Variants in CALCRL observed in about 807,000 individuals in gnomAD.
CALCRL encodes calcitonin receptor like receptor.
In CALCRL, 27 loss-of-function variants were observed where a neutral mutation model predicts 60.4. The ratio of observed to expected loss-of-function variants is 0.45; its 90% CI spans 0.33 to 0.62. CALCRL has a LOEUF of 0.62. Ranked by LOEUF, CALCRL falls within the 20% of genes least tolerant of loss-of-function variation. The pLI is 0.03. For synonymous variants in CALCRL, 190 were observed against 182.6 expected (o/e 1.04, Z -0.33); for missense variants, 424 against 540.7 (o/e 0.78, Z 2.14).
At chr2:187,409,458 G>A (rs927561100) in intron 1 of CALCRL, among the ~76,000 whole-genome samples, 3 of 152,192 alleles carry the variant, frequency 2.0e-5, no homozygotes, top group Non-Finnish European at 4.4e-5. Context: ...TGCCATGACT[G>A]CATACACCAT....
At chr2:187,406,437 G>A (rs977800260) in intron 1 of CALCRL, among the ~76,000 whole-genome samples, 9 of 151,812 alleles carry the variant, frequency 5.9e-5, no homozygotes, top group Admixed American at 2.0e-4. Flanking sequence ...TACTAAAATC[G>A]TCATCATAAA....
intron 1 of CALCRL, among the ~76,000 whole-genome samples, chr2:187,436,148 T>C (rs1690635746): frequency 6.6e-6 from 1 of 152,162 alleles, no homozygotes; most frequent in Admixed American, 6.5e-5. Flanking sequence ...TAAACATGCG[T>C]CCTACTTACT....
intron 1 of CALCRL, among the ~76,000 whole-genome samples, chr2:187,389,432 A>G (rs1400717420): frequency 6.6e-6 from 1 of 152,110 alleles, no homozygotes; most frequent in Non-Finnish European, 1.5e-5. Context: ...ATAGATAGTA[A>G]CAAGTTAATG....
At chr2:187,402,440 TGA>T (rs144627472) in intron 1 of CALCRL, among the ~76,000 whole-genome samples, 64 of 148,340 alleles carry the variant, frequency 4.3e-4, no homozygotes, top group Admixed American at 5.4e-4. Context: ...TGTGTGTATG[TGA>T]GAGAGAGAGA....
At chr2:187,417,525 T>A (rs1369277901) in intron 1 of CALCRL, among the ~76,000 whole-genome samples, 1 of 152,140 alleles carries the variant, frequency 6.6e-6, no homozygotes, top group Non-Finnish European at 1.5e-5. Context: ...TTTTCCAATT[T>A]AAGCATAACT....
intron 1 of CALCRL, among the ~76,000 whole-genome samples, chr2:187,394,358 G>T (rs1688576653): frequency 6.6e-6 from 1 of 152,050 alleles, no homozygotes; most frequent in Admixed American, 6.6e-5. Flanking sequence ...TGTAACACTT[G>T]AAACAAAGAA....
intron 8 of CALCRL, among the ~76,000 whole-genome samples, chr2:187,368,912 G>A (rs73979873): frequency 0.02 from 3,060 of 152,190 alleles, 96 homozygotes; most frequent in African/African-American, 0.066. Flanking sequence ...ACTATCTTTT[G>A]TCTATTCAAT....
At chr2:187,439,353 C>CTGAG (rs1690788811) in intron 1 of CALCRL, among the ~76,000 whole-genome samples, 1 of 151,926 alleles carries the variant, frequency 6.6e-6, no homozygotes, top group African/African-American at 2.4e-5. Context: ...TGTGGTCACG[C>CTGAG]TGAGGTAGGA....
intron 1 of CALCRL, among the ~76,000 whole-genome samples, chr2:187,443,268 G>T (rs574805963): frequency 6.6e-6 from 1 of 151,718 alleles, no homozygotes; most frequent in Non-Finnish European, 1.5e-5. Context: ...ATAAAATTTT[G>T]CATAGAAACA....
At chr2:187,421,845 C>A (rs1180349754) in intron 1 of CALCRL, among the ~76,000 whole-genome samples, 1 of 152,192 alleles carries the variant, frequency 6.6e-6, no homozygotes, top group Non-Finnish European at 1.5e-5. Context: ...ACATTCTCAT[C>A]GTCGCAAGTT....
At chr2:187,408,148 T>A (rs1689211877) in intron 1 of CALCRL, among the ~76,000 whole-genome samples, 3 of 152,066 alleles carry the variant, frequency 2.0e-5, no homozygotes, top group East Asian at 3.8e-4. Context: ...TATATATTAA[T>A]ATAAATACAT....
intron 1 of CALCRL, among the ~76,000 whole-genome samples, chr2:187,436,946 G>T (rs1020888103): frequency 2.0e-5 from 3 of 151,812 alleles, no homozygotes; most frequent in African/African-American, 7.3e-5. Flanking sequence ...CTTTTAACTT[G>T]GTGAGCAATA....
chr2:187,434,940 A>T (rs1574324098), intron 1 of CALCRL, among the ~76,000 whole-genome samples: 1 of 152,334 alleles, frequency 6.6e-6, no homozygotes, highest in East Asian at 1.9e-4. Flanking sequence ...CATATGTGGT[A>T]AAGTCATAAA....
chr2:187,435,865 C>CGTGTGT (rs5837037), intron 1 of CALCRL, among the ~76,000 whole-genome samples: 30,358 of 148,208 alleles, frequency 0.2, 3,059 homozygotes, highest in Non-Finnish European at 0.22. Context: ...TGTGTTTGTG[C>CGTGTGT]GTGCGTGTGT....
intron 1 of CALCRL, among the ~76,000 whole-genome samples, chr2:187,415,135 A>G (rs1217941772): frequency 6.6e-6 from 1 of 152,150 alleles, no homozygotes; most frequent in African/African-American, 2.4e-5. Flanking sequence ...TATGCATCCT[A>G]CTGGTAAAAG....
chr2:187,447,682 G>A (rs570443450), intron 1 of CALCRL, among the ~76,000 whole-genome samples: 55 of 152,002 alleles, frequency 3.6e-4, no homozygotes, highest in Non-Finnish European at 5.9e-4. Flanking sequence ...CCTTCCGGGG[G>A]GAGAAATGTT....
At chr2:187,405,752 G>C (rs1462353399) in intron 1 of CALCRL, among the ~76,000 whole-genome samples, 1 of 152,060 alleles carries the variant, frequency 6.6e-6, no homozygotes, top group Non-Finnish European at 1.5e-5. Flanking sequence ...ATAAAATGCA[G>C]ACGGCTGAAA....
intron 1 of CALCRL, among the ~76,000 whole-genome samples, chr2:187,402,792 T>G (rs1473155868): frequency 6.6e-6 from 1 of 151,856 alleles, no homozygotes; most frequent in Non-Finnish European, 1.5e-5. Flanking sequence ...GTATTCCATA[T>G]ATTTGCTAAT....
chr2:187,379,075 ATAAG>A (rs1559051227), intron 7 of CALCRL, 44 bp from the exon 8 acceptor site: 1 of 953,256 alleles, frequency 1.0e-6, no homozygotes, highest in African/African-American at 1.6e-5. Context: ...TATCAATACT[ATAAG>A]TATCTGTAAT....
Sources: allele counts gnomAD v4.1 joint callset (sites outside exome capture counted in the v4.1 genomes callset), GRCh38; gene constraint gnomAD v4.1.1; transcripts MANE v1.5; gene names NCBI Gene and HGNC (gene_info 2026-07-23, HGNC 2026-07-21).